ZFP64: variants seen among roughly 807,000 people sequenced by gnomAD.
ZFP64 encodes ZFP64 zinc finger protein.
A neutral mutation model predicts 51.6 loss-of-function variants in ZFP64; 14 were observed. That is an observed-to-expected ratio of 0.27 (90% CI 0.18 to 0.42). The LOEUF is 0.42. Ranked by LOEUF, ZFP64 falls within the 10% of genes least tolerant of loss-of-function variation. The pLI is 1.00. For missense variants in ZFP64, 754 were observed against 906.8 expected, an observed-to-expected ratio of 0.83 and a Z score of 2.16; for synonymous variants, 375 against 361.4, an observed-to-expected ratio of 1.04 and a Z score of -0.43.
At chr20:52,104,043 G>T (rs1431043775) in intron 5 of ZFP64, among the ~76,000 whole-genome samples, 1 of 152,230 alleles carries the variant, frequency 6.6e-6, no homozygotes, top group African/African-American at 2.4e-5. Context: ...CGCCCGGAAA[G>T]AGCGGGGGAG....
At chr20:52,158,836 A>C (rs1317578160) in intron 5 of ZFP64, among the ~76,000 whole-genome samples, 1 of 152,214 alleles carries the variant, frequency 6.6e-6, no homozygotes, top group Admixed American at 6.5e-5. Flanking sequence ...AGGATGAAAC[A>C]TGTGACTTGC....
chr20:52,151,670 TAC>T lies in ZFP64; in HGVS notation c.*474_*475del, dbSNP rs780191219. The T allele has an allele frequency of 1.9e-5, 19 of 991,810 alleles. No individual in the cohort carries two copies. Among genetic ancestry groups the T allele is most frequent in the Non-Finnish European group, 2.3e-5 (19 of 833,300 alleles). The allele number at this position is 991,810 out of a possible 1,614,324, so 61.4% of individuals were successfully genotyped here. ...GATTCAGAGGTGGTCTCAAAGTTGTTACAGTGTTAAAAAAATTATAGTAAGCA... is the reference window on the plus strand; with the variant it reads ...GATTCAGAGGTGGTCTCAAAGTTGTTAGTGTTAAAAAAATTATAGTAAGCA... On this transcript the variant is annotated 3_prime_UTR_variant, in exon 6 of 6. Transcript: ENST00000216923.
intron 5 of ZFP64, among the ~76,000 whole-genome samples, chr20:52,118,533 T>A (rs932400600): frequency 6.6e-6 from 1 of 152,190 alleles, no homozygotes; most frequent in Non-Finnish European, 1.5e-5. Context: ...TGTTTTCAGG[T>A]TCCACTAGTG....
At chr20:52,090,337 A>G (rs1228241255) in intron 7 of ZFP64, among the ~76,000 whole-genome samples, 3 of 152,220 alleles carry the variant, frequency 2.0e-5, no homozygotes, top group Non-Finnish European at 4.4e-5. Context: ...TACTTGAATT[A>G]GCATTCAGTG....
intron 2 of ZFP64, among the ~76,000 whole-genome samples, chr20:52,178,285 T>G (rs1358141198): frequency 6.6e-6 from 1 of 152,158 alleles, no homozygotes; most frequent in East Asian, 1.9e-4. Context: ...AGCACAGGTT[T>G]TGCAACCAGA....
At chr20:52,135,650 C>A (rs1293593869) in intron 5 of ZFP64, among the ~76,000 whole-genome samples, 1 of 151,924 alleles carries the variant, frequency 6.6e-6, no homozygotes, top group Non-Finnish European at 1.5e-5. Context: ...TCAAGCCCAG[C>A]TAATTTTTTG....
chr20:52,084,878 G>A, exon 9 of ZFP64: 1 of 1,613,794 alleles, frequency 6.2e-7, no homozygotes, highest in South Asian at 1.1e-5. Context: ...CGACGTGCTT[G>A]GCCAGGCTGC....
chr20:52,104,322 C>T (rs2079086107), intron 5 of ZFP64, among the ~76,000 whole-genome samples: 1 of 152,180 alleles, frequency 6.6e-6, no homozygotes, highest in African/African-American at 2.4e-5. Context: ...TCTTCTGAAG[C>T]GGAGGATCCC....
At position 52,151,958 on chromosome 20, in the gene ZFP64, A is replaced by G. The variant is rs1481081723; in HGVS notation, c.*188T>C. On this transcript the variant is annotated 3_prime_UTR_variant, in exon 6 of 6. Coordinates refer to ENST00000216923, the MANE Select transcript of ZFP64 (RefSeq NM_018197.3). ...GGGCTGAGGCATGAGAATCGCTTGA[A>G]CCTGGGAGGCGGACGTTGCAGTGAG... 1.5e-6 allele frequency: 2 copies of G among 1,290,898 alleles called. No individual in the cohort carries two copies. The highest frequency in any genetic ancestry group is 2.0e-6 in the Non-Finnish European group (2 of 977,128). 80.0% of individuals were successfully genotyped at this position (1,290,898 alleles called of 1,614,324 possible).
At chr20:52,177,202 T>TG (rs1983291561) in intron 2 of ZFP64, among the ~76,000 whole-genome samples, 1 of 152,140 alleles carries the variant, frequency 6.6e-6, no homozygotes, top group East Asian at 1.9e-4. Flanking sequence ...TGCAGAGATT[T>TG]GGGGTAAAGT....
chr20:52,119,578 C>CACACACACACACACATACAT (rs1481482212), intron 5 of ZFP64, among the ~76,000 whole-genome samples: 212 of 135,774 alleles, frequency 1.6e-3, no homozygotes, highest in Middle Eastern at 3.9e-3. Flanking sequence ...ACACACACAA[C>CACACACACACACACATACAT]ACACACACAC....
At chr20:52,091,375 A>G (rs1250876553) in intron 7 of ZFP64, among the ~76,000 whole-genome samples, 1 of 152,164 alleles carries the variant, frequency 6.6e-6, no homozygotes, top group African/African-American at 2.4e-5. Flanking sequence ...AAATTAAGAA[A>G]AAAAGCCACT....
chr20:52,170,312 C>T (rs781723435), intron 2 of ZFP64, among the ~76,000 whole-genome samples: 20 of 151,870 alleles, frequency 1.3e-4, no homozygotes, highest in Non-Finnish European at 2.2e-4. Flanking sequence ...ATTAGCCAGG[C>T]GTGGTGGTGC....
chr20:52,111,197 A>ATTTTTT, intron 5 of ZFP64: 1 of 466,596 alleles, frequency 2.1e-6, no homozygotes, highest in Non-Finnish European at 3.6e-6. Context: ...TCAGCGGTCA[A>ATTTTTT]TTTTTTTTTT....
chr20:52,138,014 A>T (rs1376651177), intron 5 of ZFP64, among the ~76,000 whole-genome samples: 3 of 136,532 alleles, frequency 2.2e-5, no homozygotes, highest in East Asian at 2.0e-4. Flanking sequence ...CATCTTTACA[A>T]AAATAAATAA....
intron 2 of ZFP64, among the ~76,000 whole-genome samples, chr20:52,176,912 A>G (rs1174740211): frequency 6.6e-6 from 1 of 152,166 alleles, no homozygotes; most frequent in Admixed American, 6.5e-5. Context: ...ATTATAGCCA[A>G]AGTAGGGGGT....
rs115822369 is a variant in ZFP64, at chr20:52,084,405, C to T, written c.*152G>A. ...TGCTTTGCTTTGCTTTCGTCACTGTCGCCCAGCCATCGCCTCTGAAGGCCT... is the reference window on the plus strand; with the variant it reads ...TGCTTTGCTTTGCTTTCGTCACTGTTGCCCAGCCATCGCCTCTGAAGGCCT... On this transcript the variant is annotated 3_prime_UTR_variant, in exon 9 of 9. Transcript: ENST00000361387. 5.1e-4 allele frequency: 358 copies of T among 705,872 alleles called. No individual in the cohort carries two copies. In the African/African-American group the frequency reaches 5.9e-3, roughly 12 times the overall value. The allele number at this position is 705,872 out of a possible 1,614,324, so 43.7% of individuals were successfully genotyped here. A position where few individuals can be genotyped will look rare whatever the true frequency, so the allele number is the denominator to read the frequency against.
intron 5 of ZFP64, among the ~76,000 whole-genome samples, chr20:52,101,149 G>GA (rs2079045773): frequency 6.6e-6 from 1 of 152,192 alleles, no homozygotes; most frequent in South Asian, 2.1e-4. Context: ...CCCCCACAAG[G>GA]AAACGATGCA....
chr20:52,179,513 A>G (rs1051362831), intron 2 of ZFP64, among the ~76,000 whole-genome samples: 1 of 152,238 alleles, frequency 6.6e-6, no homozygotes, highest in Non-Finnish European at 1.5e-5. Context: ...GGTGGTGGGA[A>G]AATAAGACTG....
Sources: allele counts gnomAD v4.1 joint callset (sites outside exome capture counted in the v4.1 genomes callset), GRCh38; gene constraint gnomAD v4.1.1; transcripts MANE v1.5; gene names NCBI Gene and HGNC (gene_info 2026-07-23, HGNC 2026-07-21).